Variants in CDH13 observed in about 807,000 individuals in gnomAD.
CDH13 encodes the protein cadherin-13.
Under a neutral mutation model 63.8 loss-of-function variants are expected in CDH13, and 24 were observed. That is an observed-to-expected ratio of 0.38 (90% CI 0.27 to 0.53). The LOEUF (loss-of-function observed/expected upper bound fraction) is 0.53, where lower values mean the gene tolerates loss of function less well. Ranked by LOEUF, CDH13 falls within the 20% of genes least tolerant of loss-of-function variation. CDH13 has a pLI of 0.85. For missense variants in CDH13, 1,049 were observed against 903.1 expected (o/e 1.16, Z -2.07); for synonymous variants, 503 against 355.3 (o/e 1.42, Z -4.67).
At chr16:83,012,421 T>C (rs568648580) in intron 2 of CDH13, among the ~76,000 whole-genome samples, 39 of 151,708 alleles carry the variant, frequency 2.6e-4, no homozygotes, top group African/African-American at 9.2e-4. Flanking sequence ...ATAAAATCGC[T>C]ATTTTCCTAC....
chr16:83,175,513 G>A (rs1019454760), intron 4 of CDH13, among the ~76,000 whole-genome samples: 1 of 152,010 alleles, frequency 6.6e-6, no homozygotes, highest in African/African-American at 2.4e-5. Flanking sequence ...ATGGGGATGG[G>A]GGCACCACTG....
intron 3 of CDH13, among the ~76,000 whole-genome samples, chr16:83,082,624 A>G (rs1408485780): frequency 1.3e-5 from 2 of 152,288 alleles, no homozygotes; most frequent in South Asian, 2.1e-4. Context: ...AGCCTGGGCA[A>G]CAAGACAAGA....
At chr16:83,218,683 A>G (rs1328505492) in intron 5 of CDH13, among the ~76,000 whole-genome samples, 2 of 152,194 alleles carry the variant, frequency 1.3e-5, no homozygotes, top group African/African-American at 4.8e-5. Context: ...AAGGAAAGAT[A>G]CAATAAATTT....
chr16:82,997,426 G>C (rs1267647861), intron 2 of CDH13, among the ~76,000 whole-genome samples: 1 of 152,034 alleles, frequency 6.6e-6, no homozygotes, highest in Non-Finnish European at 1.5e-5. Context: ...AAAAATCTCA[G>C]TAATTAAAGT....
chr16:83,392,231 C>G (rs1179253512), intron 6 of CDH13, among the ~76,000 whole-genome samples: 1 of 152,224 alleles, frequency 6.6e-6, no homozygotes, highest in African/African-American at 2.4e-5. Context: ...AACCCCCAAA[C>G]CTCAGTTTCC....
At chr16:83,255,545 T>A (rs1906158152) in intron 5 of CDH13, among the ~76,000 whole-genome samples, 1 of 152,214 alleles carries the variant, frequency 6.6e-6, no homozygotes, top group African/African-American at 2.4e-5. Flanking sequence ...CAGACTTGAT[T>A]ACCTCCCTGC....
chr16:82,644,578 G>C lies in CDH13; in HGVS notation c.45+17441G>C, dbSNP rs11860548. Among the ~76,000 whole-genome samples the C allele has an allele frequency of 4.3e-3, 650 of 152,292 alleles. 2 individuals are homozygous for C. The highest frequency in any genetic ancestry group is 0.014 in the African/African-American group (576 of 41,566). On this transcript the variant is annotated intron_variant, in intron 1 of 13. Coordinates refer to ENST00000567109, the MANE Select transcript of CDH13 (RefSeq NM_001257.5). This position sits in a 1 kb window ranked among gnomAD's most constrained non-coding sequence, Gnocchi z 5.7. ...ACGAGTTTGGGTGCTGGAAGGGGAG[G>C]CTTTATGGAGGCAAAGCTGAGGGGC...
rs192781612 is a variant in CDH13 at position 83,447,475 on chromosome 16, C to T, written c.782-39002C>T. 2.2e-3 allele frequency among the ~76,000 whole-genome samples: 338 copies of T among 152,144 alleles called. 3 individuals carry two copies. Among genetic ancestry groups the T allele is most frequent in the African/African-American group, 7.7e-3 (319 of 41,524 alleles). ...GCAGATGAGTTACTGTGGATCAGGA[C>T]TGTGGAAAGCCCGCCAGTTAGACAA... On this transcript the variant is annotated intron_variant, in intron 6 of 13. Coordinates refer to ENST00000567109, the MANE Select transcript of CDH13 (RefSeq NM_001257.5).
chr16:83,605,200 G>T (rs1908212134), intron 8 of CDH13, among the ~76,000 whole-genome samples: 1 of 152,304 alleles, frequency 6.6e-6, no homozygotes, highest in South Asian at 2.1e-4. Context: ...AGGCAGAGCT[G>T]ATACCTAAAC....
intron 5 of CDH13, among the ~76,000 whole-genome samples, chr16:83,290,682 A>T (rs115712914): frequency 6.6e-6 from 1 of 152,138 alleles, no homozygotes. Context: ...TGTGAATGAG[A>T]TCAGATTCCT....
chr16:82,915,773 A>G (rs1168030255), intron 2 of CDH13, among the ~76,000 whole-genome samples: 1 of 151,136 alleles, frequency 6.6e-6, no homozygotes, highest in Non-Finnish European at 1.5e-5. Context: ...GGATTTGCTC[A>G]TCTCATATCA....
chr16:83,333,525 G>A (rs774260513), intron 5 of CDH13, among the ~76,000 whole-genome samples: 55 of 152,130 alleles, frequency 3.6e-4, no homozygotes, highest in Non-Finnish European at 1.5e-4. Context: ...ACGAGGCTGT[G>A]GCTGGTAGTG....
At chr16:82,910,857 G>C (rs1176382361) in intron 2 of CDH13, among the ~76,000 whole-genome samples, 1 of 152,178 alleles carries the variant, frequency 6.6e-6, no homozygotes, top group Non-Finnish European at 1.5e-5. Flanking sequence ...TTCTTACCCA[G>C]AGGGTCAACA....
chr16:82,854,148 C>G (rs760218067), intron 1 of CDH13, among the ~76,000 whole-genome samples: 1 of 152,054 alleles, frequency 6.6e-6, no homozygotes, highest in Non-Finnish European at 1.5e-5. Flanking sequence ...GCCTGTAATC[C>G]TAGAACTTTG....
intron 11 of CDH13, among the ~76,000 whole-genome samples, chr16:83,769,865 G>A (rs1914646769): frequency 6.6e-6 from 1 of 152,108 alleles, no homozygotes; most frequent in South Asian, 2.1e-4. Flanking sequence ...GGGCTAGGTA[G>A]GAAGCAGGCT....
chr16:82,936,031 G>A (rs2042656061), intron 2 of CDH13, among the ~76,000 whole-genome samples: 2 of 152,126 alleles, frequency 1.3e-5, no homozygotes, highest in Admixed American at 1.3e-4. Flanking sequence ...CATGGGCAAG[G>A]CTGGTCACCC....
At chr16:83,101,065 CCTA>C (rs1310368430) in intron 3 of CDH13, among the ~76,000 whole-genome samples, 9 of 152,034 alleles carry the variant, frequency 5.9e-5, no homozygotes, top group Admixed American at 1.3e-4. Context: ...TGATTGAGCA[CCTA>C]CTATATGCCA....
At chr16:82,739,118 C>T (rs1019657553) in intron 1 of CDH13, among the ~76,000 whole-genome samples, 1 of 152,194 alleles carries the variant, frequency 6.6e-6, no homozygotes, top group Non-Finnish European at 1.5e-5. Context: ...ACTCATCATT[C>T]ATTCTTTAGT....
At chr16:82,941,512 C>T (rs191443711) in intron 2 of CDH13, among the ~76,000 whole-genome samples, 1 of 152,224 alleles carries the variant, frequency 6.6e-6, no homozygotes, top group East Asian at 1.9e-4. Context: ...AGAAAATAGC[C>T]CTTCCCTTTC....
Sources: allele counts gnomAD v4.1 joint callset (sites outside exome capture counted in the v4.1 genomes callset), GRCh38; gene constraint gnomAD v4.1.1; non-coding constraint Gnocchi (gnomAD v3.1); transcripts MANE v1.5; gene names NCBI Gene and HGNC (gene_info 2026-07-23, HGNC 2026-07-21).